KDM4C: variants seen among roughly 807,000 people sequenced by gnomAD.
KDM4C encodes the protein lysine demethylase 4C.
A neutral mutation model predicts 129.3 loss-of-function variants in KDM4C; 81 were observed. That is an observed-to-expected ratio of 0.63 (90% confidence interval 0.52 to 0.75). KDM4C has a LOEUF of 0.75. Ranked by LOEUF, KDM4C falls within the 30% of genes least tolerant of loss-of-function variation. The probability of loss-of-function intolerance (pLI) is 0.00; values close to 1 mark genes in which losing one functional copy is unlikely to be tolerated. For synonymous variants in KDM4C, 573 were observed against 456.1 expected (o/e 1.26, Z -3.26); for missense variants, 1,457 against 1,304.0 (o/e 1.12, Z -1.81).
At chr9:6,988,704 CCATT>C (rs1405029151) in intron 11 of KDM4C, among the ~76,000 whole-genome samples, 10 of 150,456 alleles carry the variant, frequency 6.6e-5, no homozygotes, top group Admixed American at 5.3e-4. Flanking sequence ...ATCCATCCAT[CCATT>C]CATCTTGGGC....
chr9:6,864,112 T>C (rs1325035350), intron 5 of KDM4C, among the ~76,000 whole-genome samples: 1 of 152,232 alleles, frequency 6.6e-6, no homozygotes, highest in Non-Finnish European at 1.5e-5. Flanking sequence ...TGTTTTCTTC[T>C]TGCATGTTAG....
intron 18 of KDM4C, among the ~76,000 whole-genome samples, chr9:7,112,500 C>A (rs978752002): frequency 6.6e-6 from 1 of 152,060 alleles, no homozygotes; most frequent in African/African-American, 2.4e-5. Flanking sequence ...GAATTATAGG[C>A]CTTGGTAAAT....
At chr9:6,798,735 G>A (rs1203323527) in intron 2 of KDM4C, among the ~76,000 whole-genome samples, 10 of 152,178 alleles carry the variant, frequency 6.6e-5, no homozygotes, top group Admixed American at 5.2e-4. Flanking sequence ...ATCATGGCCC[G>A]TTCTCAATGA....
intron 1 of KDM4C, among the ~76,000 whole-genome samples, chr9:6,743,292 C>A (rs538812048): frequency 6.8e-4 from 104 of 152,270 alleles, no homozygotes; most frequent in Non-Finnish European, 1.4e-3. Context: ...GCACTTCGTT[C>A]AAGCAAAATT....
intron 5 of KDM4C, among the ~76,000 whole-genome samples, chr9:6,870,376 A>G (rs1352323224): frequency 2.0e-5 from 3 of 152,052 alleles, no homozygotes; most frequent in Non-Finnish European, 2.9e-5. Context: ...TGGAGAGTAG[A>G]TCTTGTACTT....
chr9:7,122,906 T>C (rs1359401388), intron 18 of KDM4C, among the ~76,000 whole-genome samples: 1 of 152,234 alleles, frequency 6.6e-6, no homozygotes, highest in Non-Finnish European at 1.5e-5. Context: ...CCTCGCATGA[T>C]GCCTGTCTTC....
intron 8 of KDM4C, chr9:6,925,167 C>T: frequency 1.0e-6 from 1 of 985,394 alleles, no homozygotes; most frequent in Non-Finnish European, 1.2e-6. Context: ...AAGTCCTTAT[C>T]ATCGTGCGTA....
chr9:6,772,570 A>C (rs1213837447), intron 1 of KDM4C, among the ~76,000 whole-genome samples: 2 of 152,176 alleles, frequency 1.3e-5, no homozygotes, highest in African/African-American at 2.4e-5. Context: ...CATGTTGGTC[A>C]GGCTGGTCTT....
chr9:6,798,751 T>A (rs1349579229), intron 2 of KDM4C, among the ~76,000 whole-genome samples: 1 of 152,238 alleles, frequency 6.6e-6, no homozygotes, highest in Non-Finnish European at 1.5e-5. Flanking sequence ...AATGAGCTGT[T>A]GGGTACACCT....
Position 6,839,396 on chromosome 9 carries a change from GTTTTTTT to G in KDM4C, c.436-10096_436-10090del, listed in dbSNP as rs36061484. ...AGGCGCTTGCCACCACACCTGGCCA[GTTTTTTT>G]TTTTTTTTTTTTTTCTGGTAGAGAT... is the stretch of plus-strand genomic sequence containing the variant. On this transcript the variant is annotated intron_variant, in intron 4 of 21. Coordinates refer to ENST00000381309, the MANE Select transcript of KDM4C (RefSeq NM_015061.6). Among the ~76,000 whole-genome samples, 249 of 109,904 alleles carry G rather than the reference GTTTTTTT, an allele frequency of 2.3e-3. 4 individuals carry two copies. The highest frequency in any genetic ancestry group is 2.0e-3 in the South Asian group (6 of 3,046). The allele number at this position is 109,904 out of a possible 152,430, so 72.1% of individuals were successfully genotyped here. A position where few individuals can be genotyped will look rare whatever the true frequency, so the allele number is the denominator to read the frequency against.
At chr9:6,880,243 G>T (rs1844230044) in intron 6 of KDM4C, among the ~76,000 whole-genome samples, 182 bp downstream of exon 6, 1 of 151,594 alleles carries the variant, frequency 6.6e-6, no homozygotes, top group Admixed American at 6.6e-5. Flanking sequence ...ACCTTAGTTT[G>T]TGAATATTAT....
intron 11 of KDM4C, 69 bp downstream of exon 11, chr9:6,986,735 T>C (rs1817785622): frequency 2.6e-6 from 3 of 1,137,478 alleles, no homozygotes; most frequent in Non-Finnish European, 3.7e-6. Flanking sequence ...AACAACATGC[T>C]GTGCACTGAA....
At chr9:6,782,677 T>G (rs1351848925) in intron 1 of KDM4C, among the ~76,000 whole-genome samples, 1 of 152,020 alleles carries the variant, frequency 6.6e-6, no homozygotes, top group East Asian at 1.9e-4. Context: ...AAGGGGTCTT[T>G]GAGGAGGGAG....
intron 18 of KDM4C, 102 bp from the exon 19 acceptor site, chr9:7,127,964 C>G: frequency 9.3e-7 from 1 of 1,073,740 alleles, no homozygotes; most frequent in South Asian, 3.0e-5. Flanking sequence ...TAAATCTTGG[C>G]CAAATAAATG....
intron 8 of KDM4C, among the ~76,000 whole-genome samples, chr9:6,898,070 G>A (rs867317232): frequency 7.2e-5 from 11 of 152,124 alleles, no homozygotes; most frequent in Non-Finnish European, 1.2e-4. Flanking sequence ...TCATTTTTCC[G>A]TTTGCTGGGA....
At chr9:6,894,777 C>G (rs1437401579) in intron 8 of KDM4C, among the ~76,000 whole-genome samples, 1 of 152,152 alleles carries the variant, frequency 6.6e-6, no homozygotes, top group Non-Finnish European at 1.5e-5. Flanking sequence ...CTGACAGAGC[C>G]CATCACAGTT....
chr9:7,085,534 C>G (rs1264136447), intron 17 of KDM4C, among the ~76,000 whole-genome samples: 1 of 152,172 alleles, frequency 6.6e-6, no homozygotes, highest in Non-Finnish European at 1.5e-5. Context: ...GACCCTGGAA[C>G]AGCTCTGGTC....
At chr9:6,827,877 T>G (rs942223297) in intron 4 of KDM4C, among the ~76,000 whole-genome samples, 1 of 152,186 alleles carries the variant, frequency 6.6e-6, no homozygotes, top group Non-Finnish European at 1.5e-5. Flanking sequence ...GGCTGCTCTT[T>G]AGTGAAGCAG....
rs116919700 is a variant in KDM4C at position 7,116,828 on chromosome 9, C to T, written c.2611-11238C>T. ...TTCTCTTTCTCTGTCATTCTCTCCT[C>T]ATGTAAGCAGTGTGTCTTTATAGGC... On this transcript the variant is annotated intron_variant, in intron 18 of 21. Transcript: ENST00000381309. 5.1e-3 allele frequency among the ~76,000 whole-genome samples: 773 copies of T among 152,266 alleles called. 16 individuals carry two copies. Among genetic ancestry groups the T allele is most frequent in the East Asian group, 0.018 (93 of 5,180 alleles).
Sources: gnomAD v4.1 joint callset for allele counts (sites outside exome capture counted in the v4.1 genomes callset) on GRCh38, gnomAD v4.1.1 for gene constraint, MANE v1.5 for transcripts, NCBI Gene and HGNC (gene_info 2026-07-23, HGNC 2026-07-21) for gene names.